FOXP2: variants seen among roughly 807,000 people sequenced by gnomAD.
The protein encoded by FOXP2 is forkhead box protein P2.
A neutral mutation model predicts 115.8 loss-of-function variants in FOXP2; 12 were observed. That is an observed-to-expected ratio of 0.10 (90% CI 0.07 to 0.17). The LOEUF is 0.17. Among genes scored for constraint, FOXP2 ranks in the 10% least tolerant of loss-of-function variants. The pLI is 1.00. For synonymous variants in FOXP2, 328 were observed against 297.7 expected (o/e 1.10, Z -1.05); for missense variants, 629 against 843.5 (o/e 0.75, Z 3.15).
chr7:114,234,439 T>G (rs894189297), intron 1 of FOXP2, among the ~76,000 whole-genome samples: 37 of 152,320 alleles, frequency 2.4e-4, no homozygotes, highest in Middle Eastern at 3.4e-3. Context: ...TTACTAAACA[T>G]CCAATGCAGT....
chr7:114,334,954 T>C (rs1797812551), intron 2 of FOXP2, among the ~76,000 whole-genome samples: 1 of 145,080 alleles, frequency 6.9e-6, no homozygotes, highest in Non-Finnish European at 1.5e-5. Context: ...TATATATATA[T>C]ATATAGAAAT....
chr7:114,199,713 G>A (rs541014326), intron 1 of FOXP2, among the ~76,000 whole-genome samples: 21 of 152,278 alleles, frequency 1.4e-4, no homozygotes, highest in African/African-American at 4.8e-4. Context: ...AAATAGCAAC[G>A]TGAAAATTAA....
At chr7:114,479,723 A>G (rs1584786880) in intron 2 of FOXP2, among the ~76,000 whole-genome samples, 1 of 151,550 alleles carries the variant, frequency 6.6e-6, no homozygotes, top group Non-Finnish European at 1.5e-5. Flanking sequence ...ATCTGTACAC[A>G]TGTTATTATT....
At chr7:114,534,477 A>G in intron 2 of FOXP2, 140 bp from the exon 3 acceptor site, 1 of 750,194 alleles carries the variant, frequency 1.3e-6, no homozygotes, top group Non-Finnish European at 2.3e-6. Flanking sequence ...TTTTCATATT[A>G]GAAGATAAAC....
intron 2 of FOXP2, among the ~76,000 whole-genome samples, chr7:114,513,350 A>T (rs1342987292): frequency 1.3e-5 from 2 of 152,192 alleles, no homozygotes; most frequent in Admixed American, 6.5e-5. Flanking sequence ...ATAACTAGTA[A>T]TACAGATGAC....
intron 1 of FOXP2, among the ~76,000 whole-genome samples, chr7:114,191,016 A>C (rs1291921067): frequency 6.6e-6 from 1 of 152,044 alleles, no homozygotes; most frequent in East Asian, 1.9e-4. Context: ...TGTGGTATGG[A>C]TCAGATAGTT....
chr7:114,148,983 T>C (rs1255455662), intron 1 of FOXP2, among the ~76,000 whole-genome samples: 3 of 152,150 alleles, frequency 2.0e-5, no homozygotes, highest in African/African-American at 7.2e-5. Flanking sequence ...TCCCTACCCT[T>C]ACTTCTGCTT....
rs1803998883 is a variant in FOXP2 at position 114,617,242 on chromosome 7, T to C, written c.259-11298T>C. On this transcript the variant is annotated intron_variant, in intron 3 of 16. Coordinates refer to ENST00000350908, the MANE Select transcript of FOXP2 (RefSeq NM_014491.4). ...TTCTTTACCATCATAAATGAGACTG[T>C]CGTCTTTTCAGATGCCTTTGAATCT... Among the ~76,000 whole-genome samples the C allele has an allele frequency of 1.3e-5, 2 of 152,232 alleles. 1 individual carries two copies. The highest frequency in any genetic ancestry group is 4.1e-4 in the South Asian group (2 of 4,838).
intron 2 of FOXP2, among the ~76,000 whole-genome samples, chr7:114,493,956 C>T (rs1048197618): frequency 3.3e-5 from 5 of 151,734 alleles, no homozygotes; most frequent in African/African-American, 1.2e-4. Context: ...CTTTAATTCA[C>T]AGAAAACTTG....
At chr7:114,123,301 C>T (rs1791617260) in intron 1 of FOXP2, among the ~76,000 whole-genome samples, 2 of 146,172 alleles carry the variant, frequency 1.4e-5, no homozygotes, top group Non-Finnish European at 3.0e-5. Context: ...CTACAGTGAG[C>T]TATAATCTTG....
At chr7:114,367,086 TAATATCTAACAAATACTTTAATAGTATTA>T (rs1045379596) in intron 2 of FOXP2, among the ~76,000 whole-genome samples, 1 of 152,178 alleles carries the variant, frequency 6.6e-6, no homozygotes, top group Non-Finnish European at 1.5e-5. Flanking sequence ...GTGTTTTATA[TAATATCTAACAAATACTTTAATAGTATTA>T]AATAGTACAG....
intron 2 of FOXP2, among the ~76,000 whole-genome samples, chr7:114,347,675 G>A (rs1036468065): frequency 3.3e-5 from 5 of 152,000 alleles, no homozygotes; most frequent in Admixed American, 1.3e-4. Flanking sequence ...AATATACTTT[G>A]TCAATTGCCA....
intron 1 of FOXP2, among the ~76,000 whole-genome samples, chr7:114,196,939 C>G (rs984405753): frequency 6.6e-6 from 1 of 152,136 alleles, no homozygotes; most frequent in Admixed American, 6.6e-5. Flanking sequence ...TGCCTATAAT[C>G]CCAGCATTTT....
At chr7:114,535,747 C>T (rs991541688) in intron 3 of FOXP2, among the ~76,000 whole-genome samples, 3 of 151,442 alleles carry the variant, frequency 2.0e-5, no homozygotes, top group Middle Eastern at 3.4e-3. Flanking sequence ...AGATAAGAAC[C>T]GATTTTCCTG....
chr7:114,602,432 G>C (rs559818589), intron 3 of FOXP2, among the ~76,000 whole-genome samples: 1 of 152,052 alleles, frequency 6.6e-6, no homozygotes, highest in East Asian at 1.9e-4. Context: ...TTGATATATA[G>C]CTATAAGTAT....
chr7:114,433,283 G>T (rs572526504), intron 2 of FOXP2, among the ~76,000 whole-genome samples: 21 of 151,944 alleles, frequency 1.4e-4, no homozygotes, highest in Non-Finnish European at 2.8e-4. Flanking sequence ...TTGTTCTGGT[G>T]TTCTATTAGT....
chr7:114,319,802 T>C (rs1797372965), intron 2 of FOXP2, among the ~76,000 whole-genome samples: 1 of 152,162 alleles, frequency 6.6e-6, no homozygotes, highest in African/African-American at 2.4e-5. Flanking sequence ...AATCTGGACA[T>C]TTGTTATTTT....
chr7:114,154,837 T>C (rs1357291783), intron 1 of FOXP2, among the ~76,000 whole-genome samples: 1 of 152,126 alleles, frequency 6.6e-6, no homozygotes, highest in Non-Finnish European at 1.5e-5. Flanking sequence ...TCTCTGCCAT[T>C]TATACCCTCT....
rs562986828 is a variant in FOXP2, at chr7:114,342,174, A to ATTG, written c.-11+54066_-11+54067insTGT. ...TTCTTGAACTTGGAAAGACCAACCA[A>ATTG]TAACTTCCATTTTGACTATTCCTTT... On this transcript the variant is annotated intron_variant, in intron 2 of 17. Coordinates refer to the FOXP2 transcript ENST00000634411. 2.4e-3 allele frequency among the ~76,000 whole-genome samples: 358 copies of ATTG among 151,514 alleles called. 1 individual carries two copies. Among genetic ancestry groups the ATTG allele is most frequent in the African/African-American group, 8.3e-3 (342 of 41,438 alleles).
Sources: gnomAD v4.1 joint callset for allele counts (sites outside exome capture counted in the v4.1 genomes callset) on GRCh38, gnomAD v4.1.1 for gene constraint, MANE v1.5 for transcripts, NCBI Gene and HGNC (gene_info 2026-07-23, HGNC 2026-07-21) for gene names.